The following KCNA2 variants were observed in gnomAD, a reference collection of about 807,000 sequenced individuals.
The protein encoded by KCNA2 is potassium channel, voltage gated shaker related subfamily A, member 2.
A neutral mutation model predicts 33.4 loss-of-function variants in KCNA2; 11 were observed. That is an observed-to-expected ratio of 0.33 (90% CI 0.21 to 0.55). KCNA2 has a LOEUF of 0.55. KCNA2 is among the 20% of genes least tolerant of loss of function. KCNA2 has a pLI of 0.93. For synonymous variants in KCNA2, 222 were observed against 231.3 expected, an observed-to-expected ratio of 0.96 and a Z score of 0.37; for missense variants, 291 against 621.6, an observed-to-expected ratio of 0.47 and a Z score of 5.66.
chr1:110,606,412 C>G (rs1415370611), upstream of KCNA2: 1 of 152,228 alleles, frequency 6.6e-6, no homozygotes, highest in Non-Finnish European at 1.5e-5. Flanking sequence ...AGAGGGGGAG[C>G]CTGGAGGAAG....
At chr1:110,610,099 A>G (rs1426132803), upstream of KCNA2, among the ~76,000 whole-genome samples, 1 of 152,200 alleles carries the variant, frequency 6.6e-6, no homozygotes, top group Non-Finnish European at 1.5e-5. Flanking sequence ...TCCCTGGGGC[A>G]TGGTGAAAAT....
intron 1 of KCNA2, among the ~76,000 whole-genome samples, chr1:110,620,713 C>T (rs1224787413): frequency 2.0e-5 from 3 of 152,140 alleles, no homozygotes; most frequent in East Asian, 1.9e-4. Context: ...TCTAGGTGCT[C>T]CTGTCATCCA....
rs370329362 is a variant in KCNA2, at chr1:110,594,437, G to T, written c.*8846C>A. Reference sequence around the variant, plus strand: ...AAAGGAAATAGCATCCTCCACTCATGAGCTTTACAGCTATGTCCCTGATGA... The same window carrying T: ...AAAGGAAATAGCATCCTCCACTCATTAGCTTTACAGCTATGTCCCTGATGA... On this transcript the variant is annotated 3_prime_UTR_variant, in exon 3 of 3. Coordinates refer to ENST00000316361, the MANE Select transcript of KCNA2 (RefSeq NM_004974.4). 1.1e-4 allele frequency: 105 copies of T among 985,266 alleles called. 1 individual carries two copies. The African/African-American group carries it at 1.7e-3, about 16-fold the overall frequency. 61.0% of individuals were successfully genotyped at this position (985,266 alleles called of 1,614,324 possible). A position where few individuals can be genotyped will look rare whatever the true frequency, so the allele number is the denominator to read the frequency against.
chr1:110,600,756 C>T lies in KCNA2; in HGVS notation c.*2527G>A. On this transcript the variant is annotated 3_prime_UTR_variant, in exon 3 of 3. Transcript: ENST00000316361. ...CCATGCCTTGGAAATTCAGCACCAC[C>T]TCCCATGAAGGAGAGGAAGAGAAGC... 1 of 985,454 alleles carries T rather than the reference C, an allele frequency of 1.0e-6. No homozygotes were observed. 61.0% of individuals were successfully genotyped at this position (985,454 alleles called of 1,614,324 possible). A position where few individuals can be genotyped will look rare whatever the true frequency, so the allele number is the denominator to read the frequency against.
intron 1 of KCNA2, among the ~76,000 whole-genome samples, chr1:110,615,337 T>C (rs189235450): frequency 6.6e-6 from 1 of 152,224 alleles, no homozygotes; most frequent in Non-Finnish European, 1.5e-5. Context: ...AGTAAACTCT[T>C]GTGTGGACAG....
At chr1:110,628,361 G>A (rs17634761) in intron 1 of KCNA2, among the ~76,000 whole-genome samples, 6,410 of 152,210 alleles carry the variant, frequency 0.042, 164 homozygotes, top group Middle Eastern at 0.088. Context: ...TTCCATGATC[G>A]CCCTCTGAAA....
At position 110,601,273 on chromosome 1, in the gene KCNA2, T is replaced by G. The variant is rs1649331413; in HGVS notation, c.*2010A>C. 1 of 985,336 alleles carries G rather than the reference T, an allele frequency of 1.0e-6. No individual in the cohort carries two copies. The highest frequency in any genetic ancestry group is 4.7e-5 in the South Asian group (1 of 21,296). 61.0% of individuals were successfully genotyped at this position (985,336 alleles called of 1,614,324 possible). A position where few individuals can be genotyped will look rare whatever the true frequency, so the allele number is the denominator to read the frequency against. Reference sequence around the variant, plus strand: ...CACTTAGTCCCGGACTTCAGACATTTCCACATAGAGGAGGCTCCCTTTAGG... The same window carrying G: ...CACTTAGTCCCGGACTTCAGACATTGCCACATAGAGGAGGCTCCCTTTAGG... On this transcript the variant is annotated 3_prime_UTR_variant, in exon 3 of 3. Transcript: ENST00000316361.
intron 1 of KCNA2, among the ~76,000 whole-genome samples, chr1:110,615,233 C>CCTGAATG (rs1650011024): frequency 1.3e-5 from 2 of 152,152 alleles, no homozygotes; most frequent in Admixed American, 1.3e-4. Context: ...ACACCACTTA[C>CCTGAATG]CTAGGGCCTT....
rs75305356 is a variant in KCNA2, at chr1:110,602,237, AT to A, written c.*1045del. On this transcript the variant is annotated 3_prime_UTR_variant, in exon 3 of 3. Coordinates refer to ENST00000316361, the MANE Select transcript of KCNA2 (RefSeq NM_004974.4). ...GTTTTAGTTCCATTCCAAATAGTCTATTTTTTTTCCCCTGATGGAGGGATTT... is the reference window on the plus strand; with the variant it reads ...GTTTTAGTTCCATTCCAAATAGTCTATTTTTTTCCCCTGATGGAGGGATTT... 0.083 allele frequency: 127,725 copies of A among 1,535,402 alleles called. 8,774 individuals carry two copies. Among genetic ancestry groups the A allele is most frequent in the East Asian group, 0.38 (15,550 of 40,642 alleles).
Position 110,595,186 on chromosome 1 carries a change from A to C in KCNA2, c.*8097T>G. On this transcript the variant is annotated 3_prime_UTR_variant, in exon 3 of 3. Coordinates refer to ENST00000316361, the MANE Select transcript of KCNA2 (RefSeq NM_004974.4). ...TCTAGATGTTGCAGTAGCTGTCCAC[A>C]TTATTACATAATCATGCCCTGTGCA... 1.0e-6 allele frequency: 1 copy of C among 985,428 alleles called. No homozygotes were observed. Among genetic ancestry groups the C allele is most frequent in the Non-Finnish European group, 1.2e-6 (1 of 829,938 alleles). The allele number at this position is 985,428 out of a possible 1,614,324, so 61.0% of individuals were successfully genotyped here. A position where few individuals can be genotyped will look rare whatever the true frequency, so the allele number is the denominator to read the frequency against.
In KCNA2 at chr1:110,601,420, T is replaced by G; in HGVS notation, c.*1863A>C. On this transcript the variant is annotated 3_prime_UTR_variant, in exon 3 of 3. Transcript: ENST00000316361. ...TGAAAGTGACGGATGCAGAGCCAAA[T>G]GATAATAAGATCCAAGTGGCAAGGG... 1.0e-6 allele frequency: 1 copy of G among 985,384 alleles called. No individual in the cohort carries two copies. Among genetic ancestry groups the G allele is most frequent in the South Asian group, 4.7e-5 (1 of 21,282 alleles). The allele number at this position is 985,384 out of a possible 1,614,324, so 61.0% of individuals were successfully genotyped here. A position where few individuals can be genotyped will look rare whatever the true frequency, so the allele number is the denominator to read the frequency against.
Position 110,601,344 on chromosome 1 carries a change from T to G in KCNA2, c.*1939A>C. The stretch of plus-strand genomic sequence containing the variant: ...TCCCAGGGAGTCCTACTCCTTGGTG[T>G]CCTTGGTTTCAAAGCAGGGGATCCA... On this transcript the variant is annotated 3_prime_UTR_variant, in exon 3 of 3. Coordinates refer to ENST00000316361, the MANE Select transcript of KCNA2 (RefSeq NM_004974.4). The G allele has an allele frequency of 1.0e-6, 1 of 985,416 alleles. No homozygotes were observed. Among genetic ancestry groups the G allele is most frequent in the Non-Finnish European group, 1.2e-6 (1 of 829,932 alleles). The allele number at this position is 985,416 out of a possible 1,614,324, so 61.0% of individuals were successfully genotyped here.
At chr1:110,616,746 G>A (rs1488834747) in intron 1 of KCNA2, among the ~76,000 whole-genome samples, 1 of 152,232 alleles carries the variant, frequency 6.6e-6, no homozygotes, top group Non-Finnish European at 1.5e-5. Flanking sequence ...GGCAGGAGCT[G>A]AGTCATGGTC....
chr1:110,611,035 AGG>A (rs1257679628), upstream of KCNA2, among the ~76,000 whole-genome samples: 298 of 111,404 alleles, frequency 2.7e-3, no homozygotes, highest in African/African-American at 0.011. Context: ...GAAGGAAGGA[AGG>A]AAGGAAGGAA....
chr1:110,603,024 C>G lies in KCNA2; in HGVS notation c.*259G>C. On this transcript the variant is annotated 3_prime_UTR_variant, in exon 3 of 3. Coordinates refer to ENST00000316361, the MANE Select transcript of KCNA2 (RefSeq NM_004974.4). This position sits in a 1 kb window ranked among gnomAD's most constrained non-coding sequence, Gnocchi z 5.7. ...TGTATGGGATATGAGGTGGCCTCAACGTGTCTATCTGAAATCCTAGCTTGA... is the reference window on the plus strand; with the variant it reads ...TGTATGGGATATGAGGTGGCCTCAAGGTGTCTATCTGAAATCCTAGCTTGA... 6 of 1,347,604 alleles carry G rather than the reference C, an allele frequency of 4.5e-6. No homozygotes were observed. The highest frequency in any genetic ancestry group is 5.7e-6 in the Non-Finnish European group (6 of 1,052,432). 83.5% of individuals were successfully genotyped at this position (1,347,604 alleles called of 1,614,324 possible).
chr1:110,622,035 A>G (rs1425535750), intron 1 of KCNA2, among the ~76,000 whole-genome samples: 1 of 152,160 alleles, frequency 6.6e-6, no homozygotes, highest in African/African-American at 2.4e-5. Context: ...AAAACCAGAC[A>G]AAAACATCAC....
At chr1:110,630,456 C>T (rs2101477612) in intron 1 of KCNA2, among the ~76,000 whole-genome samples, 1 of 152,352 alleles carries the variant, frequency 6.6e-6, no homozygotes, top group Middle Eastern at 3.4e-3. Context: ...GCACTCACCT[C>T]CGTGTCCCCA....
chr1:110,599,659 C>A lies in KCNA2; in HGVS notation c.*3624G>T. The A allele has an allele frequency of 2.0e-6, 2 of 985,414 alleles. No individual in the cohort carries two copies. Among genetic ancestry groups the A allele is most frequent in the Non-Finnish European group, 2.4e-6 (2 of 829,950 alleles). The allele number at this position is 985,414 out of a possible 1,614,324, so 61.0% of individuals were successfully genotyped here. ...AACAAAGCTGCAAAGGATGGAAGGG[C>A]AATAAAATCTGTGGGCTTAGAGAAT... On this transcript the variant is annotated 3_prime_UTR_variant, in exon 3 of 3. Coordinates refer to ENST00000316361, the MANE Select transcript of KCNA2 (RefSeq NM_004974.4).
intron 1 of KCNA2, among the ~76,000 whole-genome samples, chr1:110,623,650 C>T (rs754014083): frequency 6.6e-5 from 10 of 152,198 alleles, no homozygotes; most frequent in Non-Finnish European, 1.3e-4. Context: ...CCGCTTTGGA[C>T]TCCCAAAATC....
Sources: gnomAD v4.1 joint callset for allele counts (sites outside exome capture counted in the v4.1 genomes callset) on GRCh38, gnomAD v4.1.1 for gene constraint, Gnocchi (gnomAD v3.1) non-coding constraint, MANE v1.5 for transcripts, NCBI Gene and HGNC (gene_info 2026-07-23, HGNC 2026-07-21) for gene names.